The following MARCHF8 variants were observed in gnomAD, a reference collection of about 807,000 sequenced individuals.
MARCHF8 encodes the protein membrane associated ring-CH-type finger 8.
MARCHF8 carries 40 observed loss-of-function variants against 51.6 expected under a neutral mutation model. The observed-to-expected ratio is 0.77, with a 90% CI of 0.60 to 1.01. The LOEUF (loss-of-function observed/expected upper bound fraction) is 1.01, where lower values mean the gene tolerates loss of function less well. MARCHF8 is among the 50% of genes least tolerant of loss of function. The pLI is 0.00. For missense variants in MARCHF8, 685 were observed against 708.6 expected, an observed-to-expected ratio of 0.97 and a Z score of 0.38; for synonymous variants, 263 against 280.3, an observed-to-expected ratio of 0.94 and a Z score of 0.62.
chr10:45,459,225 TG>T lies in MARCHF8; in HGVS notation c.1311del (p.Met438CysfsTer4). Reference sequence around the variant, plus strand: ...ATGACGTGGAATGTCACTGAGCACATGATCTTCCTGCGCTCGCTGGACGTCA... The same window carrying T: ...ATGACGTGGAATGTCACTGAGCACATATCTTCCTGCGCTCGCTGGACGTCA... ...LQMTSSERRK[I>X]MCSVTFHVIA... On this transcript the variant is annotated frameshift_variant, in exon 7 of 8. Transcript: ENST00000453424. LOFTEE classifies it high-confidence loss of function. 5.0e-6 allele frequency: 8 copies of T among 1,613,990 alleles called. No individual in the cohort carries two copies. Among genetic ancestry groups the T allele is most frequent in the Non-Finnish European group, 6.8e-6 (8 of 1,179,916 alleles).
At chr10:45,527,824 C>T (rs1589152193) in intron 2 of MARCHF8, among the ~76,000 whole-genome samples, 1 of 152,110 alleles carries the variant, frequency 6.6e-6, no homozygotes, top group South Asian at 2.1e-4. Context: ...ATCAGTACCC[C>T]TAATGAACAC....
chr10:45,527,657 T>A (rs1264996187), intron 2 of MARCHF8, among the ~76,000 whole-genome samples: 4 of 152,042 alleles, frequency 2.6e-5, no homozygotes, highest in African/African-American at 7.2e-5. Context: ...CAGAAGCAGA[T>A]GAATTCACAG....
At position 45,527,512 on chromosome 10, in the gene MARCHF8, T is replaced by C. The variant is rs139942401; in HGVS notation, c.102+5598A>G. Among the ~76,000 whole-genome samples, 918 of 152,102 alleles carry C rather than the reference T, an allele frequency of 6.0e-3. 10 individuals carry two copies. The highest frequency in any genetic ancestry group is 0.021 in the African/African-American group (860 of 41,504). Reference sequence around the variant, plus strand: ...ACACTAACGAACTAGAAAACCTAGATGAAACAGGTAAATTCCTAAAGACAC... The same window carrying C: ...ACACTAACGAACTAGAAAACCTAGACGAAACAGGTAAATTCCTAAAGACAC... On this transcript the variant is annotated intron_variant, in intron 2 of 7. Transcript: ENST00000453424.
rs142441738 is a variant in MARCHF8, at chr10:45,572,725, T to G, written c.-79+21510A>C. Among the ~76,000 whole-genome samples, 667 of 152,234 alleles carry G rather than the reference T, an allele frequency of 4.4e-3. 4 individuals are homozygous for G. The highest frequency in any genetic ancestry group is 0.015 in the African/African-American group (636 of 41,538). On this transcript the variant is annotated intron_variant, in intron 1 of 6. Coordinates refer to the MARCHF8 transcript ENST00000319836. ...CTTCAGTCCCAACCCCAAGCGTCTC[T>G]GAGTCTTTTGAATCTTCCTTTTCTA...
chr10:45,461,001 A>C (rs897509811), intron 6 of MARCHF8: 2 of 388,032 alleles, frequency 5.2e-6, no homozygotes, highest in Non-Finnish European at 9.2e-6. Context: ...AAGCAGTCTT[A>C]CTTTGAAGGG....
At chr10:45,538,203 T>C (rs563737223), upstream of MARCHF8, among the ~76,000 whole-genome samples, 28 of 152,332 alleles carry the variant, frequency 1.8e-4, no homozygotes, top group African/African-American at 6.0e-4. Flanking sequence ...CAGAATTTCA[T>C]ATCCAGCCAA....
upstream of MARCHF8, among the ~76,000 whole-genome samples, chr10:45,539,849 CAA>C (rs1247549768): frequency 2.0e-5 from 3 of 152,152 alleles, no homozygotes; most frequent in African/African-American, 7.2e-5. Context: ...GCAACTTCAG[CAA>C]AGTCTCAGGA....
At chr10:45,514,873 C>G (rs1317748930) in intron 2 of MARCHF8, among the ~76,000 whole-genome samples, 2 of 152,098 alleles carry the variant, frequency 1.3e-5, no homozygotes, top group African/African-American at 4.8e-5. Flanking sequence ...CCCCACAAAA[C>G]CCACCCTACA....
intron 2 of MARCHF8, among the ~76,000 whole-genome samples, chr10:45,501,816 T>C (rs140073448): frequency 5.1e-4 from 77 of 152,024 alleles, no homozygotes; most frequent in African/African-American, 1.6e-3. Flanking sequence ...AATTAGAAAA[T>C]AGGCAAAACA....
intron 1 of MARCHF8, among the ~76,000 whole-genome samples, chr10:45,565,152 T>C (rs2044350783): frequency 6.6e-6 from 1 of 152,120 alleles, no homozygotes. Flanking sequence ...ATAAAATACA[T>C]GACAGTAGGC....
chr10:45,533,411 A>C, intron 1 of MARCHF8, 122 bp from the exon 2 acceptor site: 1 of 506,302 alleles, frequency 2.0e-6, no homozygotes, highest in Non-Finnish European at 2.9e-6. Flanking sequence ...GGCAACATAA[A>C]TGTTTGGTCT....
intron 2 of MARCHF8, among the ~76,000 whole-genome samples, chr10:45,518,847 T>A (rs540317128): frequency 1.3e-5 from 2 of 152,306 alleles, no homozygotes; most frequent in South Asian, 4.1e-4. Flanking sequence ...CATCCTATCA[T>A]TGCTCTTGGC....
At position 45,463,363 on chromosome 10, in the gene MARCHF8, G is replaced by T; in HGVS notation, c.876C>A (p.Ser292=). Residue 292 remains serine, a synonymous_variant, in exon 5 of 8, where the codon TCC becomes TCA. Transcript: ENST00000453424. ...SCAARLHTAK[S]SSGLAGSMGF... ...CCATACTCCCTGCCAGCCCGCTGGA[G>T]GACTTGGCAGTGTGCAGGCGAGCAG... 1 of 1,550,800 alleles carries T rather than the reference G, an allele frequency of 6.4e-7. No individual in the cohort carries two copies. Among genetic ancestry groups the T allele is most frequent in the Non-Finnish European group, 8.7e-7 (1 of 1,147,044 alleles).
chr10:45,463,109 G>A (rs1216787082), intron 5 of MARCHF8, 42 bp downstream of exon 5: 2 of 1,517,616 alleles, frequency 1.3e-6, no homozygotes, highest in East Asian at 2.5e-5. Context: ...GGTTCCTGAT[G>A]CGAGCAGAGA....
At chr10:45,573,909 T>C (rs1412680678) in intron 1 of MARCHF8, among the ~76,000 whole-genome samples, 1 of 152,120 alleles carries the variant, frequency 6.6e-6, no homozygotes, top group Non-Finnish European at 1.5e-5. Flanking sequence ...ACTTGGACAA[T>C]ACTCTTTTAA....
intron 1 of MARCHF8, among the ~76,000 whole-genome samples, chr10:45,549,236 T>C (rs1276149369): frequency 4.6e-5 from 7 of 152,318 alleles, no homozygotes; most frequent in African/African-American, 9.6e-5. Flanking sequence ...ATGATTAGAA[T>C]TGCAGTCATG....
chr10:45,529,248 G>C (rs961624444), intron 2 of MARCHF8, among the ~76,000 whole-genome samples: 3 of 152,036 alleles, frequency 2.0e-5, no homozygotes, highest in African/African-American at 7.3e-5. Flanking sequence ...GGGAGAATTG[G>C]GTAACCATAT....
At position 45,570,075 on chromosome 10, in the gene MARCHF8, G is replaced by A. The variant is rs186413147; in HGVS notation, c.-79+24160C>T. On this transcript the variant is annotated intron_variant, in intron 1 of 6. Transcript: ENST00000319836. ...TACTCAGCCTACCCTTTTACAAAAA[G>A]AAGACTCAAAACTCAGATGGTTTCA... Among the ~76,000 whole-genome samples the A allele has an allele frequency of 2.2e-3, 334 of 152,236 alleles. 2 individuals carry two copies. The highest frequency in any genetic ancestry group is 5.4e-3 in the Admixed American group (82 of 15,286).
intron 3 of MARCHF8, among the ~76,000 whole-genome samples, chr10:45,477,652 A>C (rs1001859953): frequency 5.9e-5 from 9 of 152,308 alleles, no homozygotes; most frequent in Admixed American, 5.2e-4. Context: ...ACATTACTCA[A>C]CTATATGCTG....
Sources: gnomAD v4.1 joint callset for allele counts (sites outside exome capture counted in the v4.1 genomes callset) on GRCh38, gnomAD v4.1.1 for gene constraint, MANE v1.5 for transcripts, NCBI Gene and HGNC (gene_info 2026-07-23, HGNC 2026-07-21) for gene names.